The following LCK variants were observed in gnomAD, a reference collection of about 807,000 sequenced individuals.
LCK encodes the protein tyrosine-protein kinase Lck.
Under a neutral mutation model 64.6 loss-of-function variants are expected in LCK, and 14 were observed. The observed-to-expected ratio is 0.22, with a 90% CI of 0.14 to 0.34. LCK has a LOEUF of 0.34. Ranked by LOEUF, LCK falls within the 10% of genes least tolerant of loss-of-function variation. The pLI is 1.00. For missense variants in LCK, 434 were observed against 668.1 expected, an observed-to-expected ratio of 0.65 and a Z score of 3.86; for synonymous variants, 277 against 263.6, an observed-to-expected ratio of 1.05 and a Z score of -0.49.
intron 1 of LCK, among the ~76,000 whole-genome samples, chr1:32,253,367 A>G (rs1326368339): frequency 6.6e-6 from 1 of 152,070 alleles, no homozygotes; most frequent in Non-Finnish European, 1.5e-5. Context: ...ATCTCAAACA[A>G]AAATGCCTCC....
rs1640591820 is a variant in LCK, at chr1:32,285,617, G to C, written c.1431G>C (p.Trp477Cys). The change falls in exon 13 of 13, where the codon TGG becomes TGC. Residue 477 changes from tryptophan (W) to cysteine (C), a missense_variant. Coordinates refer to ENST00000336890, the MANE Select transcript of LCK (RefSeq NM_005356.5). ...EELYQLMRLC[W>C]KERPEDRPTF... ...TGTACCAACTCATGAGGCTGTGCTG[G>C]AAGGAGCGCCCAGAGGACCGGCCCA... is the stretch of plus-strand genomic sequence containing the variant. 1 of 1,614,222 alleles carries C rather than the reference G, an allele frequency of 6.2e-7. No homozygotes were observed. Among genetic ancestry groups the C allele is most frequent in the Non-Finnish European group, 8.5e-7 (1 of 1,180,040 alleles).
At chr1:32,258,354 G>T (rs1639678893) in intron 1 of LCK, among the ~76,000 whole-genome samples, 1 of 151,656 alleles carries the variant, frequency 6.6e-6, no homozygotes, top group Non-Finnish European at 1.5e-5. Flanking sequence ...TGTAATCCCA[G>T]CTATTCGGGA....
At chr1:32,282,765 T>C (rs112684666) in intron 12 of LCK, among the ~76,000 whole-genome samples, 9,948 of 151,792 alleles carry the variant, frequency 0.066, 1,065 homozygotes, top group African/African-American at 0.23. Flanking sequence ...ATGATCACGC[T>C]GTTGCACTCC....
chr1:32,274,899 C>T, intron 3 of LCK, 81 bp downstream of exon 3: 1 of 1,613,910 alleles, frequency 6.2e-7, no homozygotes, highest in Non-Finnish European at 8.5e-7. Context: ...CACCTACTTT[C>T]TCCCCGGTCT....
chr1:32,276,367 G>A lies in LCK; in HGVS notation c.662G>A (p.Ser221Asn). Residue 221 changes from serine (S) to asparagine (N), a missense_variant, in exon 8 of 13, where the codon AGC becomes AAC. Around this residue, in one of 2 missense-constraint regions of LCK, gnomAD observed 233 missense variants for 291.2 expected, o/e 0.80. Transcript: ENST00000336890. The surrounding 1 kb of genome is among the most constrained non-coding windows in gnomAD (Gnocchi z 4.6). The stretch of plus-strand genomic sequence containing the variant: ...TCAGATGGGCTGTGCACACGGTTGA[G>A]CCGCCCCTGCCAGACCCAGAAGCCC... ...NASDGLCTRL[S>N]RPCQTQKPQK... 4 of 1,609,862 alleles carry A rather than the reference G, an allele frequency of 2.5e-6. No individual in the cohort carries two copies. The highest frequency in any genetic ancestry group is 3.4e-6 in the Non-Finnish European group (4 of 1,179,042).
In LCK at chr1:32,251,551, C is replaced by T. The variant is rs182764783; in HGVS notation, c.-6+180C>T. On this transcript the variant is annotated intron_variant, in intron 1 of 12. Transcript: ENST00000336890. The surrounding 1 kb of genome is among the most constrained non-coding windows in gnomAD (Gnocchi z 4.0). ...GTGTAGCTGGGTCGCCTCTTTCCTGCGAAGCTGGTGTCGCTTGCCTCTGTC... is the reference window on the plus strand; with the variant it reads ...GTGTAGCTGGGTCGCCTCTTTCCTGTGAAGCTGGTGTCGCTTGCCTCTGTC... Among the ~76,000 whole-genome samples the T allele has an allele frequency of 8.6e-4, 131 of 152,254 alleles. No individual in the cohort carries two copies. Among genetic ancestry groups the T allele is most frequent in the African/African-American group, 2.9e-3 (122 of 41,534 alleles).
At chr1:32,257,948 T>C (rs1639668038) in intron 1 of LCK, among the ~76,000 whole-genome samples, 1 of 152,134 alleles carries the variant, frequency 6.6e-6, no homozygotes, top group South Asian at 2.1e-4. Flanking sequence ...AATGCTTTTT[T>C]TTTTGTTCTC....
At position 32,265,114 on chromosome 1, in the gene LCK, C is replaced by G. The variant is rs777694356; in HGVS notation, c.-5-9211C>G. Among the ~76,000 whole-genome samples the G allele has an allele frequency of 1.3e-4, 20 of 151,096 alleles. 1 individual carries two copies. The East Asian group carries it at 3.9e-3, about 30-fold the overall frequency. On this transcript the variant is annotated intron_variant, in intron 1 of 12. Coordinates refer to ENST00000336890, the MANE Select transcript of LCK (RefSeq NM_005356.5). ...CCCAGCTGCTCGGGAGGCTGAGGCACGGAGGTTGCAGTGAGCCAAGATTGC... is the reference window on the plus strand; with the variant it reads ...CCCAGCTGCTCGGGAGGCTGAGGCAGGGAGGTTGCAGTGAGCCAAGATTGC...
At chr1:32,282,825 T>TTAAA (rs1159564831) in intron 12 of LCK, among the ~76,000 whole-genome samples, 1 of 151,270 alleles carries the variant, frequency 6.6e-6, no homozygotes, top group South Asian at 2.1e-4. Context: ...TATAAATAAA[T>TTAAA]TAAATAAATA....
At chr1:32,259,494 C>T (rs1434926232) in intron 1 of LCK, among the ~76,000 whole-genome samples, 2 of 151,730 alleles carry the variant, frequency 1.3e-5, no homozygotes, top group African/African-American at 2.4e-5. Flanking sequence ...GTGGCACACG[C>T]CTGTAGTCCC....
At chr1:32,278,917 C>T (rs758919391) in intron 9 of LCK, among the ~76,000 whole-genome samples, 2 of 152,204 alleles carry the variant, frequency 1.3e-5, no homozygotes, top group African/African-American at 4.8e-5. Context: ...TGCATCCTAG[C>T]AACTCCCATC....
At chr1:32,272,633 G>GAGAGAGAAAGAGAGAGAGAGAGAGAA (rs1553153481) in intron 1 of LCK, among the ~76,000 whole-genome samples, 1 of 147,466 alleles carries the variant, frequency 6.8e-6, no homozygotes, top group African/African-American at 2.7e-5. Flanking sequence ...AAGAGAGAGA[G>GAGAGAGAAAGAGAGAGAGAGAGAGAA]AGAGAGAGAG....
chr1:32,262,032 T>C (rs1416404847), intron 1 of LCK, among the ~76,000 whole-genome samples: 1 of 147,064 alleles, frequency 6.8e-6, no homozygotes, highest in African/African-American at 2.5e-5. Context: ...TACAGTCACG[T>C]GCCACCACAC....
chr1:32,283,740 G>A (rs895729139), intron 12 of LCK, among the ~76,000 whole-genome samples: 2 of 152,118 alleles, frequency 1.3e-5, no homozygotes, highest in Non-Finnish European at 2.9e-5. Flanking sequence ...ATTTGGCTTC[G>A]TGATGCAGGA....
At chr1:32,254,394 T>C (rs1639579781) in intron 1 of LCK, among the ~76,000 whole-genome samples, 1 of 152,096 alleles carries the variant, frequency 6.6e-6, no homozygotes, top group East Asian at 1.9e-4. Flanking sequence ...GTGGTGCATG[T>C]CTGTAAACCT....
intron 1 of LCK, among the ~76,000 whole-genome samples, chr1:32,266,065 T>C (rs1323050863): frequency 6.6e-6 from 1 of 152,082 alleles, no homozygotes; most frequent in African/African-American, 2.4e-5. Context: ...GCTCAAGTGA[T>C]CCTCCCCACT....
chr1:32,262,491 C>T (rs1369375020), intron 1 of LCK, among the ~76,000 whole-genome samples: 47 of 150,448 alleles, frequency 3.1e-4, no homozygotes, highest in African/African-American at 1.1e-3. Context: ...GGCGCGATCT[C>T]GGCTCACTGC....
intron 9 of LCK, among the ~76,000 whole-genome samples, chr1:32,277,475 C>T (rs1056145117): frequency 5.9e-4 from 90 of 152,102 alleles, no homozygotes; most frequent in Non-Finnish European, 2.4e-4. Flanking sequence ...AGATCTGCCC[C>T]CAAAGCCCTC....
intron 1 of LCK, among the ~76,000 whole-genome samples, chr1:32,262,518 G>A (rs1413133375): frequency 6.6e-6 from 1 of 150,984 alleles, no homozygotes; most frequent in Non-Finnish European, 1.5e-5. Flanking sequence ...TGTCTCCTGG[G>A]TTCAAGCGAT....
Sources: gnomAD v4.1 joint callset for allele counts (sites outside exome capture counted in the v4.1 genomes callset) on GRCh38, gnomAD v4.1.1 for gene constraint, gnomAD v4.1.1 regional missense constraint, Gnocchi (gnomAD v3.1) non-coding constraint, MANE v1.5 for transcripts, NCBI Gene and HGNC (gene_info 2026-07-23, HGNC 2026-07-21) for gene names.